The following MAPK10 variants were observed in gnomAD, a reference collection of about 807,000 sequenced individuals.
MAPK10 encodes mitogen-activated protein kinase 10, also known as JNK3 alpha protein kinase.
MAPK10 carries 25 observed loss-of-function variants against 59.3 expected under a neutral mutation model. The observed-to-expected ratio is 0.42, with a 90% CI of 0.31 to 0.59. MAPK10 has a LOEUF of 0.59. MAPK10 is among the 20% of genes least tolerant of loss of function. The probability of loss-of-function intolerance (pLI) is 0.15; values close to 1 mark genes in which losing one functional copy is unlikely to be tolerated. For synonymous variants in MAPK10, 190 were observed against 200.5 expected (o/e 0.95, Z 0.44); for missense variants, 351 against 568.9 (o/e 0.62, Z 3.90).
At chr4:86,213,992 GC>G (rs1333156718) in intron 2 of MAPK10, among the ~76,000 whole-genome samples, 2 of 151,892 alleles carry the variant, frequency 1.3e-5, no homozygotes, top group Non-Finnish European at 2.9e-5. Flanking sequence ...CAAACTCTTA[GC>G]AACAAAATAC....
intron 2 of MAPK10, among the ~76,000 whole-genome samples, chr4:86,313,646 G>A (rs138735663): frequency 1.4e-4 from 21 of 152,220 alleles, no homozygotes; most frequent in African/African-American, 3.4e-4. Context: ...GGGAAATTCA[G>A]TTTAAAACCA....
chr4:86,169,016 A>T (rs538090131), intron 3 of MAPK10, among the ~76,000 whole-genome samples: 33 of 152,298 alleles, frequency 2.2e-4, no homozygotes, highest in African/African-American at 7.7e-4. Context: ...GTCTGTTAGA[A>T]GGAAAACTAA....
intron 1 of MAPK10, among the ~76,000 whole-genome samples, chr4:86,476,575 C>T (rs1030216155): frequency 6.6e-6 from 1 of 152,134 alleles, no homozygotes; most frequent in African/African-American, 2.4e-5. Flanking sequence ...CCGTCTTATT[C>T]TCAATATGCA....
intron 2 of MAPK10, among the ~76,000 whole-genome samples, chr4:86,215,901 C>T (rs539068081): frequency 3.3e-5 from 5 of 152,132 alleles, no homozygotes; most frequent in Non-Finnish European, 7.4e-5. Flanking sequence ...TACCATCTCA[C>T]ATCCATTGGG....
chr4:86,071,320 C>A (rs76463412), intron 9 of MAPK10, among the ~76,000 whole-genome samples: 35,124 of 107,472 alleles, frequency 0.33, 6,376 homozygotes, highest in African/African-American at 0.42. Flanking sequence ...AGGTTGCGAA[C>A]ATTTTCTCCC....
In MAPK10 at chr4:86,199,864, T is replaced by C. The variant is rs187546378; in HGVS notation, c.-6-5457A>G. On this transcript the variant is annotated intron_variant, in intron 2 of 13. Coordinates refer to ENST00000641462, the MANE Select transcript of MAPK10 (RefSeq NM_138982.4). The stretch of plus-strand genomic sequence containing the variant: ...GGTATGATGTACCAAACACTCATAA[T>C]AGCCACTAATAGGAAATACTCTTGA... Among the ~76,000 whole-genome samples the C allele has an allele frequency of 9.9e-5, 15 of 152,160 alleles. No homozygotes were observed. The South Asian group carries it at 1.9e-3, about 19-fold the overall frequency.
intron 2 of MAPK10, among the ~76,000 whole-genome samples, chr4:86,251,340 C>A (rs139933730): frequency 0.016 from 2,408 of 151,880 alleles, 78 homozygotes; most frequent in African/African-American, 0.055. Flanking sequence ...CCCTCCCCAC[C>A]ACAGTCCCCA....
At chr4:86,417,423 A>G (rs1745995810) in intron 1 of MAPK10, among the ~76,000 whole-genome samples, 1 of 152,054 alleles carries the variant, frequency 6.6e-6, no homozygotes. Context: ...ATATTTTTTC[A>G]TTGCCACAAA....
rs148102690 is a variant in MAPK10, at chr4:86,441,288, G to A, written c.-122+11742C>T. ...GTCATAGAGAATTTTTTACCTAGAG[G>A]GCAATGTTCTGATTCATCCCAAAGC... is the stretch of plus-strand genomic sequence containing the variant. On this transcript the variant is annotated intron_variant, in intron 1 of 13. Transcript: ENST00000361569. Among the ~76,000 whole-genome samples, 35 of 152,200 alleles carry A rather than the reference G, an allele frequency of 2.3e-4. 1 individual carries two copies. In the East Asian group the frequency reaches 6.6e-3, roughly 29 times the overall value.
intron 2 of MAPK10, among the ~76,000 whole-genome samples, chr4:86,246,025 T>C (rs1455850171): frequency 6.6e-6 from 1 of 152,212 alleles, no homozygotes; most frequent in Non-Finnish European, 1.5e-5. Context: ...TAATAGACAG[T>C]TAATCACATG....
chr4:86,050,926 G>A (rs898004672), intron 11 of MAPK10, among the ~76,000 whole-genome samples: 1 of 152,142 alleles, frequency 6.6e-6, no homozygotes, highest in African/African-American at 2.4e-5. Flanking sequence ...AAAAGTGCTT[G>A]AGGGTTAGCT....
At chr4:86,083,482 G>A (rs1372015312) in intron 9 of MAPK10, among the ~76,000 whole-genome samples, 1 of 152,094 alleles carries the variant, frequency 6.6e-6, no homozygotes, top group Non-Finnish European at 1.5e-5. Context: ...CCCACGGAAG[G>A]AGCATTTAAA....
rs1195778422 is a variant in MAPK10, at chr4:86,023,836, TATATATATATATATAA to T, written c.1252+5345_1252+5360del. The T allele has an allele frequency of 6.0e-3, 852 of 142,012 alleles. 10 individuals are homozygous for T. Among genetic ancestry groups the T allele is most frequent in the African/African-American group, 0.021 (809 of 37,840 alleles). The allele number at this position is 142,012 out of a possible 1,614,324, so 8.8% of individuals were successfully genotyped here. On this transcript the variant is annotated intron_variant, in intron 13 of 13. Coordinates refer to ENST00000641462, the MANE Select transcript of MAPK10 (RefSeq NM_138982.4). ...GAATATATATATATATATATATATA[TATATATATATATATAA>T]AATGAATGTTGTAATTAACTAGAAA... is the stretch of plus-strand genomic sequence containing the variant.
chr4:86,224,383 A>G (rs769055518), intron 2 of MAPK10, among the ~76,000 whole-genome samples: 15 of 152,216 alleles, frequency 9.9e-5, no homozygotes, highest in Non-Finnish European at 1.9e-4. Context: ...CAGAAATATT[A>G]AGGAAGTGAT....
chr4:86,257,300 T>C (rs1457330880), intron 2 of MAPK10, among the ~76,000 whole-genome samples: 1 of 152,162 alleles, frequency 6.6e-6, no homozygotes, highest in Non-Finnish European at 1.5e-5. Context: ...TTAGGTTAGG[T>C]TGGGTTACGG....
intron 2 of MAPK10, among the ~76,000 whole-genome samples, chr4:86,260,662 T>A (rs1393428666): frequency 6.6e-6 from 1 of 152,130 alleles, no homozygotes; most frequent in Admixed American, 6.5e-5. Flanking sequence ...GGGTCACTCT[T>A]CATATATCTT....
chr4:86,211,937 A>C (rs2085936282), intron 2 of MAPK10, among the ~76,000 whole-genome samples: 1 of 152,142 alleles, frequency 6.6e-6, no homozygotes, highest in African/African-American at 2.4e-5. Context: ...CATACAAAAA[A>C]CAGTTATAGA....
intron 2 of MAPK10, among the ~76,000 whole-genome samples, chr4:86,338,771 G>A (rs1392751318): frequency 6.6e-6 from 1 of 152,086 alleles, no homozygotes; most frequent in Non-Finnish European, 1.5e-5. Context: ...TAACAACTGA[G>A]TTTATTTTGT....
At chr4:86,391,253 T>G (rs1006789157) in intron 1 of MAPK10, among the ~76,000 whole-genome samples, 4 of 152,224 alleles carry the variant, frequency 2.6e-5, no homozygotes, top group Non-Finnish European at 5.9e-5. Context: ...AATGCAAGCC[T>G]CTGTAAGTAT....
Sources: allele counts gnomAD v4.1 joint callset (sites outside exome capture counted in the v4.1 genomes callset), GRCh38; gene constraint gnomAD v4.1.1; transcripts MANE v1.5; gene names NCBI Gene and HGNC (gene_info 2026-07-23, HGNC 2026-07-21).